SGCD: variants seen among roughly 807,000 people sequenced by gnomAD.
The protein encoded by SGCD is delta-sarcoglycan.
SGCD carries 18 observed loss-of-function variants against 36.6 expected under a neutral mutation model. The observed-to-expected ratio is 0.49, with a 90% CI of 0.34 to 0.73. The LOEUF is 0.73. Ranked by LOEUF, SGCD falls within the 30% of genes least tolerant of loss-of-function variation. SGCD has a pLI of 0.01. For missense variants in SGCD, 387 were observed against 346.7 expected (o/e 1.12, Z -0.92); for synonymous variants, 133 against 130.6 (o/e 1.02, Z -0.12).
At chr5:156,169,868 G>A (rs1763300945) in intron 3 of SGCD, among the ~76,000 whole-genome samples, 1 of 152,148 alleles carries the variant, frequency 6.6e-6, no homozygotes, top group African/African-American at 2.4e-5. Context: ...TTAGTCATGG[G>A]GGGTGGCATT....
intron 4 of SGCD, among the ~76,000 whole-genome samples, chr5:156,541,932 G>A (rs546372256): frequency 2.0e-5 from 3 of 152,086 alleles, no homozygotes; most frequent in Non-Finnish European, 4.4e-5. Context: ...CTAAAATAAT[G>A]CCATACAACT....
intron 3 of SGCD, among the ~76,000 whole-genome samples, chr5:156,125,858 TTA>T (rs1435404975): frequency 6.9e-6 from 1 of 144,958 alleles, no homozygotes; most frequent in Non-Finnish European, 1.5e-5. Flanking sequence ...ATTATTATTA[TTA>T]TTATTATTAT....
At chr5:156,588,448 C>T (rs894042504) in intron 4 of SGCD, among the ~76,000 whole-genome samples, 5 of 152,228 alleles carry the variant, frequency 3.3e-5, no homozygotes, top group Admixed American at 6.5e-5. Context: ...ACCAAAACAG[C>T]AGAGTTGAGT....
At chr5:155,838,844 A>G in the SGCD span, among the ~76,000 whole-genome samples, 6 of 152,164 alleles carry the variant, frequency 3.9e-5, no homozygotes, top group African/African-American at 1.4e-4. Context: ...TTTTCATAAA[A>G]ATGTGCTATT....
intron 1 of SGCD, among the ~76,000 whole-genome samples, chr5:155,997,734 T>A (rs1029177260): frequency 1.3e-5 from 2 of 152,250 alleles, no homozygotes; most frequent in South Asian, 4.1e-4. Flanking sequence ...CCAGTTTTTT[T>A]AATCTCAGAA....
chr5:156,212,752 A>G (rs1764478329), intron 3 of SGCD, among the ~76,000 whole-genome samples: 3 of 152,284 alleles, frequency 2.0e-5, no homozygotes, highest in Admixed American at 2.0e-4. Context: ...GTTAGGCCAC[A>G]AAGCAAGTCT....
intron 3 of SGCD, among the ~76,000 whole-genome samples, chr5:156,160,289 T>C (rs971956893): frequency 2.0e-5 from 3 of 151,644 alleles, no homozygotes; most frequent in Non-Finnish European, 4.4e-5. Flanking sequence ...CAAAGATCTC[T>C]TCCAGCATCA....
chr5:156,086,674 A>T (rs781265489), intron 1 of SGCD, among the ~76,000 whole-genome samples: 5 of 152,180 alleles, frequency 3.3e-5, no homozygotes, highest in African/African-American at 4.8e-5. Context: ...TTGTTTCAAG[A>T]TTTAGTCCCT....
chr5:156,718,844 T>C (rs947538707), intron 7 of SGCD, among the ~76,000 whole-genome samples: 2 of 150,070 alleles, frequency 1.3e-5, no homozygotes, highest in Non-Finnish European at 3.0e-5. Flanking sequence ...ATTAGCCAGG[T>C]ATGTTGGTAC....
chr5:155,843,601 G>A, the SGCD span, among the ~76,000 whole-genome samples: 3 of 152,222 alleles, frequency 2.0e-5, no homozygotes, highest in Non-Finnish European at 4.4e-5. Flanking sequence ...ACATGCACAG[G>A]TGATATGAGT....
intron 1 of SGCD, among the ~76,000 whole-genome samples, chr5:155,913,298 T>C (rs955974387): frequency 1.3e-4 from 20 of 152,312 alleles, no homozygotes; most frequent in Non-Finnish European, 2.6e-4. Context: ...TTACCTTGTC[T>C]GCAAATGACT....
intron 4 of SGCD, among the ~76,000 whole-genome samples, chr5:156,512,842 T>C (rs871013): frequency 0.026 from 3,890 of 152,184 alleles, 149 homozygotes; most frequent in African/African-American, 0.088. Context: ...ATAGTAAGAG[T>C]ATCTGAATAA....
At position 156,311,571 on chromosome 5, in the gene SGCD, C is replaced by A. The variant is rs1363658981; in HGVS notation, c.-43-17963C>A. Among the ~76,000 whole-genome samples the A allele has an allele frequency of 2.6e-5, 4 of 151,980 alleles. No individual in the cohort carries two copies. In the East Asian group the frequency reaches 7.7e-4, roughly 29 times the overall value. Reference sequence around the variant, plus strand: ...TATAAAGACCTTAAGATATGACCTACTTGAATATGTTCTTCAGCAATGTCT... The same window carrying A: ...TATAAAGACCTTAAGATATGACCTAATTGAATATGTTCTTCAGCAATGTCT... On this transcript the variant is annotated intron_variant, in intron 3 of 9. Transcript: ENST00000517913.
intron 3 of SGCD, among the ~76,000 whole-genome samples, chr5:156,486,896 T>C (rs1244043002): frequency 1.3e-5 from 2 of 152,054 alleles, no homozygotes; most frequent in Non-Finnish European, 2.9e-5. Context: ...TGTGTGCCCC[T>C]CAGGGTTCCA....
At chr5:156,647,281 A>T (rs1214421307) in intron 6 of SGCD, among the ~76,000 whole-genome samples, 183 bp from the exon 7 acceptor site, 1 of 152,168 alleles carries the variant, frequency 6.6e-6, no homozygotes, top group African/African-American at 2.4e-5. Flanking sequence ...TTGTTTTTCA[A>T]AGGCTGTTTG....
At chr5:156,708,053 T>A (rs1455197226) in intron 7 of SGCD, among the ~76,000 whole-genome samples, 1 of 152,176 alleles carries the variant, frequency 6.6e-6, no homozygotes, top group Non-Finnish European at 1.5e-5. Flanking sequence ...AAAGATTAAG[T>A]CTTGTGGTGC....
At chr5:155,787,027 G>A in the SGCD span, among the ~76,000 whole-genome samples, 2 of 152,160 alleles carry the variant, frequency 1.3e-5, no homozygotes, top group African/African-American at 4.8e-5. Flanking sequence ...AGTGCAAGCG[G>A]GCTTTGCTAT....
chr5:156,368,699 G>A (rs1289129000), intron 3 of SGCD, among the ~76,000 whole-genome samples: 1 of 152,070 alleles, frequency 6.6e-6, no homozygotes, highest in Non-Finnish European at 1.5e-5. Flanking sequence ...ATTCTCACAG[G>A]AGCACAAACC....
chr5:156,136,327 G>T (rs1762455284), intron 3 of SGCD, among the ~76,000 whole-genome samples: 1 of 152,214 alleles, frequency 6.6e-6, no homozygotes, highest in South Asian at 2.1e-4. Context: ...TGCTGAGGCT[G>T]TTCTTGAGCT....
Sources: allele counts gnomAD v4.1 joint callset (sites outside exome capture counted in the v4.1 genomes callset), GRCh38; gene constraint gnomAD v4.1.1; transcripts MANE v1.5; gene names NCBI Gene and HGNC (gene_info 2026-07-23, HGNC 2026-07-21).